CSMD3: variants seen among roughly 807,000 people sequenced by gnomAD.
CSMD3 encodes CUB and sushi domain-containing protein 3.
Under a neutral mutation model 435.2 loss-of-function variants are expected in CSMD3, and 177 were observed. The ratio of observed to expected loss-of-function variants is 0.41; its 90% CI spans 0.36 to 0.46. CSMD3 has a LOEUF of 0.46. Ranked by LOEUF, CSMD3 falls within the 20% of genes least tolerant of loss-of-function variation. The pLI is 0.34. For synonymous variants in CSMD3, 1,656 were observed against 1,520.5 expected (o/e 1.09, Z -2.07); for missense variants, 4,265 against 4,504.6 (o/e 0.95, Z 1.52).
At chr8:112,343,816 T>A (rs1825406496) in intron 41 of CSMD3, among the ~76,000 whole-genome samples, 1 of 152,236 alleles carries the variant, frequency 6.6e-6, no homozygotes, top group African/African-American at 2.4e-5. Context: ...GTGGCTAGTT[T>A]TTTTTTATTT....
chr8:112,757,292 T>C (rs1421135003), intron 13 of CSMD3, among the ~76,000 whole-genome samples: 2 of 152,104 alleles, frequency 1.3e-5, no homozygotes, highest in Non-Finnish European at 2.9e-5. Context: ...AAATAATGCT[T>C]GGTTTAAGGA....
At chr8:112,416,922 T>C (rs1811974104) in intron 32 of CSMD3, among the ~76,000 whole-genome samples, 1 of 152,142 alleles carries the variant, frequency 6.6e-6, no homozygotes, top group Non-Finnish European at 1.5e-5. Context: ...TGAATTCAGC[T>C]TTGGTTTAAA....
intron 3 of CSMD3, among the ~76,000 whole-genome samples, chr8:113,248,740 C>T (rs1026778072): frequency 6.6e-6 from 1 of 151,410 alleles, no homozygotes; most frequent in Non-Finnish European, 1.5e-5. Context: ...AATACACATT[C>T]AATTTATTTC....
At chr8:112,510,671 T>C (rs1008556622) in intron 28 of CSMD3, among the ~76,000 whole-genome samples, 1 of 152,192 alleles carries the variant, frequency 6.6e-6, no homozygotes, top group Non-Finnish European at 1.5e-5. Flanking sequence ...TCATTACTAA[T>C]ATGTAATATT....
rs2130959940 is a variant in CSMD3 at position 112,336,884 on chromosome 8, G to A, written c.6842-55C>T. ...ATTTTAAAATAACAATAAACTGACTGTGGAGAAAAAGGCAAACATTTCACA... is the reference window on the plus strand; with the variant it reads ...ATTTTAAAATAACAATAAACTGACTATGGAGAAAAAGGCAAACATTTCACA... On this transcript the variant is annotated intron_variant, in intron 43 of 70. Transcript: ENST00000297405. 3 of 1,446,532 alleles carry A rather than the reference G, an allele frequency of 2.1e-6. No individual in the cohort carries two copies. In the South Asian group the frequency reaches 3.5e-5, roughly 17 times the overall value. The allele number at this position is 1,446,532 out of a possible 1,614,324, so 89.6% of individuals were successfully genotyped here. A position where few individuals can be genotyped will look rare whatever the true frequency, so the allele number is the denominator to read the frequency against.
chr8:112,503,025 T>G (rs1822131823), intron 30 of CSMD3, among the ~76,000 whole-genome samples: 3 of 152,188 alleles, frequency 2.0e-5, no homozygotes, highest in Non-Finnish European at 4.4e-5. Context: ...CTAGCAGAAG[T>G]ATTCTAAAAC....
chr8:112,708,935 T>A (rs571873656), intron 13 of CSMD3, among the ~76,000 whole-genome samples: 1 of 152,194 alleles, frequency 6.6e-6, no homozygotes, highest in African/African-American at 2.4e-5. Context: ...AACCTCCAGC[T>A]AAAGCATAAC....
intron 3 of CSMD3, among the ~76,000 whole-genome samples, chr8:113,191,241 T>C (rs2092580552): frequency 6.6e-6 from 1 of 151,766 alleles, no homozygotes. Flanking sequence ...TATAGAAATG[T>C]TTTTCAACTT....
chr8:112,637,384 A>T (rs1348831728), intron 21 of CSMD3, among the ~76,000 whole-genome samples: 1 of 134,096 alleles, frequency 7.5e-6, no homozygotes, highest in Non-Finnish European at 1.6e-5. Context: ...AAATGAAATC[A>T]TTTGCACTTT....
intron 35 of CSMD3, among the ~76,000 whole-genome samples, chr8:112,394,575 G>T (rs200702611): frequency 6.6e-6 from 1 of 152,038 alleles, no homozygotes; most frequent in African/African-American, 2.4e-5. Flanking sequence ...ACTGTGGCTT[G>T]AACACGTCAA....
At position 113,045,815 on chromosome 8, in the gene CSMD3, G is replaced by A. The variant is rs546277981; in HGVS notation, c.918-26636C>T. Among the ~76,000 whole-genome samples the A allele has an allele frequency of 2.0e-5, 3 of 149,412 alleles. No homozygotes were observed. In the East Asian group the frequency reaches 5.8e-4, roughly 29 times the overall value. ...CATTTTACTTTCAGTTGTTGTTGTTGTTTTTAATATTAGACGGAAGAGTAC... is the reference window on the plus strand; with the variant it reads ...CATTTTACTTTCAGTTGTTGTTGTTATTTTTAATATTAGACGGAAGAGTAC... On this transcript the variant is annotated intron_variant, in intron 5 of 70. Coordinates refer to ENST00000297405, the MANE Select transcript of CSMD3 (RefSeq NM_198123.2).
At chr8:113,275,482 T>C (rs2093562788) in intron 3 of CSMD3, among the ~76,000 whole-genome samples, 1 of 152,094 alleles carries the variant, frequency 6.6e-6, no homozygotes, top group Admixed American at 6.6e-5. Flanking sequence ...TAGATTTTAA[T>C]ACAGTCTCCA....
At chr8:113,044,607 CT>C (rs1200418529) in intron 5 of CSMD3, among the ~76,000 whole-genome samples, 2 of 148,770 alleles carry the variant, frequency 1.3e-5, no homozygotes, top group Non-Finnish European at 3.0e-5. Context: ...TCTTATATGC[CT>C]TATTGAATAA....
chr8:112,572,009 CAGAGAA>C (rs1245486878), intron 24 of CSMD3, among the ~76,000 whole-genome samples: 1 of 150,420 alleles, frequency 6.6e-6, no homozygotes, highest in African/African-American at 2.4e-5. Flanking sequence ...TTTTAGAAAA[CAGAGAA>C]AGAGAAAGAG....
intron 1 of CSMD3, among the ~76,000 whole-genome samples, chr8:113,379,112 T>C (rs2133096238): frequency 6.6e-6 from 1 of 152,252 alleles, no homozygotes; most frequent in East Asian, 1.9e-4. Context: ...AGTGGGTTAA[T>C]GAAAAGGGGT....
At chr8:112,630,019 T>C (rs2074470440) in intron 22 of CSMD3, among the ~76,000 whole-genome samples, 1 of 152,172 alleles carries the variant, frequency 6.6e-6, no homozygotes, top group Non-Finnish European at 1.5e-5. Flanking sequence ...AAGCTTTCAG[T>C]TCCACAACAC....
chr8:112,483,628 G>A (rs1819843319), intron 31 of CSMD3, among the ~76,000 whole-genome samples: 1 of 152,160 alleles, frequency 6.6e-6, no homozygotes, highest in Non-Finnish European at 1.5e-5. Flanking sequence ...TGTGGGTTTA[G>A]GAAAATGAAT....
chr8:113,238,218 C>T (rs1384369566), intron 3 of CSMD3, among the ~76,000 whole-genome samples: 2 of 151,948 alleles, frequency 1.3e-5, no homozygotes, highest in Non-Finnish European at 1.5e-5. Flanking sequence ...CAAACAAATA[C>T]ACACCATTGT....
intron 28 of CSMD3, among the ~76,000 whole-genome samples, chr8:112,515,438 A>G (rs1823571943): frequency 6.6e-6 from 1 of 152,192 alleles, no homozygotes; most frequent in Non-Finnish European, 1.5e-5. Context: ...AGTAGTAAAC[A>G]AACTTGAAAA....
Sources: gnomAD v4.1 joint callset for allele counts (sites outside exome capture counted in the v4.1 genomes callset) on GRCh38, gnomAD v4.1.1 for gene constraint, MANE v1.5 for transcripts, NCBI Gene and HGNC (gene_info 2026-07-23, HGNC 2026-07-21) for gene names.